The following KIF16B variants were observed in gnomAD, a reference collection of about 807,000 sequenced individuals.
KIF16B encodes kinesin family member 16B.
A neutral mutation model predicts 156.3 loss-of-function variants in KIF16B; 98 were observed. The ratio of observed to expected loss-of-function variants is 0.63; its 90% CI spans 0.53 to 0.74. The LOEUF is 0.74. Ranked by LOEUF, KIF16B falls within the 30% of genes least tolerant of loss-of-function variation. The pLI is 0.00. For synonymous variants in KIF16B, 564 were observed against 583.7 expected (o/e 0.97, Z 0.49); for missense variants, 1,421 against 1,606.5 (o/e 0.88, Z 1.97).
intron 1 of KIF16B, among the ~76,000 whole-genome samples, chr20:16,563,591 T>C (rs751072648): frequency 9.2e-5 from 14 of 152,180 alleles, no homozygotes; most frequent in Non-Finnish European, 1.8e-4. Context: ...ACCAAACTGC[T>C]ATATATCACA....
chr20:16,442,847 A>G (rs1008742018), intron 12 of KIF16B, among the ~76,000 whole-genome samples: 2 of 152,134 alleles, frequency 1.3e-5, no homozygotes, highest in African/African-American at 4.8e-5. Flanking sequence ...GTGATGAAGA[A>G]TGAGAGGGAG....
At chr20:16,496,135 G>A (rs1044060850) in intron 11 of KIF16B, among the ~76,000 whole-genome samples, 2 of 152,120 alleles carry the variant, frequency 1.3e-5, no homozygotes, top group Non-Finnish European at 2.9e-5. Context: ...CTGGCTTTTT[G>A]TTTTGAAAAA....
intron 23 of KIF16B, among the ~76,000 whole-genome samples, chr20:16,346,435 G>A (rs1237278316): frequency 6.6e-6 from 1 of 152,084 alleles, no homozygotes. Context: ...AGTACAGAAG[G>A]TGCCTCAGAG....
chr20:16,275,055 CT>C (rs4052896), intron 25 of KIF16B, among the ~76,000 whole-genome samples: 4,468 of 140,308 alleles, frequency 0.032, 67 homozygotes, highest in Middle Eastern at 0.056. Context: ...ATAAATTGTA[CT>C]TTTTTTTTTT....
At chr20:16,500,655 CT>C (rs1352021298) in intron 10 of KIF16B, among the ~76,000 whole-genome samples, 1 of 151,950 alleles carries the variant, frequency 6.6e-6, no homozygotes, top group Admixed American at 6.6e-5. Context: ...ATAAAGTGCT[CT>C]TTTTTAAAGC....
intron 17 of KIF16B, among the ~76,000 whole-genome samples, chr20:16,390,113 C>T (rs535339928): frequency 2.9e-4 from 44 of 152,234 alleles, no homozygotes; most frequent in African/African-American, 8.4e-4. Flanking sequence ...CTTAAGTAAA[C>T]GTCAGAGTTT....
intron 12 of KIF16B, among the ~76,000 whole-genome samples, chr20:16,461,571 A>C (rs1042704209): frequency 2.6e-5 from 4 of 152,210 alleles, no homozygotes; most frequent in African/African-American, 9.7e-5. Context: ...AAACACAAAC[A>C]ACTCAAGACC....
chr20:16,435,385 T>G (rs2066615764), intron 12 of KIF16B, among the ~76,000 whole-genome samples: 1 of 152,232 alleles, frequency 6.6e-6, no homozygotes. Context: ...CTAAGAAAAT[T>G]AAGCTAGTCT....
At chr20:16,473,065 C>T (rs1366741461) in intron 12 of KIF16B, among the ~76,000 whole-genome samples, 1 of 152,098 alleles carries the variant, frequency 6.6e-6, no homozygotes, top group Non-Finnish European at 1.5e-5. Flanking sequence ...CAAATGGTAA[C>T]CTACAAAGAA....
chr20:16,368,135 TAAG>T (rs1315014414), intron 22 of KIF16B: 2 of 1,169,844 alleles, frequency 1.7e-6, no homozygotes, highest in Non-Finnish European at 2.1e-6. Context: ...GTCACATGCC[TAAG>T]AAGGTCTTTT....
At chr20:16,334,967 G>A (rs1179257227) in intron 24 of KIF16B, among the ~76,000 whole-genome samples, 2 of 152,006 alleles carry the variant, frequency 1.3e-5, no homozygotes, top group Non-Finnish European at 2.9e-5. Flanking sequence ...CTATACACCA[G>A]GGAACTATTT....
At chr20:16,446,911 T>C (rs967317801) in intron 12 of KIF16B, among the ~76,000 whole-genome samples, 1 of 152,172 alleles carries the variant, frequency 6.6e-6, no homozygotes, top group Non-Finnish European at 1.5e-5. Flanking sequence ...CAATAATCTA[T>C]CCTGCACTAG....
intron 1 of KIF16B, among the ~76,000 whole-genome samples, chr20:16,538,920 G>A (rs1421412205): frequency 4.6e-5 from 7 of 151,884 alleles, no homozygotes; most frequent in South Asian, 4.2e-4. Context: ...TCCGCTCGCC[G>A]CACTCTTGCT....
chr20:16,356,554 GAA>G, intron 22 of KIF16B, 102 bp from the exon 23 acceptor site: 5 of 1,295,094 alleles, frequency 3.9e-6, no homozygotes, highest in Non-Finnish European at 4.3e-6. Flanking sequence ...TTCAAGTAGA[GAA>G]AAGAGCATCA....
rs1289094383 is a variant in KIF16B at position 16,573,159 on chromosome 20, G to T, written c.47+70C>A. ...ACTTTTAAGTCCAGGCTGGCTTTGG[G>T]GGAGCTGGAAACAGGCTTCCTCTGG... On this transcript the variant is annotated intron_variant, in intron 1 of 25. Transcript: ENST00000354981. The T allele has an allele frequency of 3.5e-6, 5 of 1,433,836 alleles. No homozygotes were observed. The African/African-American group carries it at 7.1e-5, about 20-fold the overall frequency. 88.8% of individuals were successfully genotyped at this position (1,433,836 alleles called of 1,614,324 possible).
chr20:16,284,078 G>T (rs949298665), intron 25 of KIF16B, among the ~76,000 whole-genome samples: 4 of 152,330 alleles, frequency 2.6e-5, no homozygotes, highest in South Asian at 2.1e-4. Flanking sequence ...AGCGGAGCTG[G>T]GGAAGGCCAT....
chr20:16,566,098 C>T (rs1200785243), intron 1 of KIF16B, among the ~76,000 whole-genome samples: 9 of 152,236 alleles, frequency 5.9e-5, no homozygotes, highest in African/African-American at 1.9e-4. Context: ...ATAACACATA[C>T]GTTTCATAAG....
intron 14 of KIF16B, among the ~76,000 whole-genome samples, chr20:16,427,556 T>C (rs1037437428): frequency 1.3e-5 from 2 of 152,130 alleles, no homozygotes; most frequent in Non-Finnish European, 2.9e-5. Context: ...TTTAACTGAA[T>C]ACCATGGAGT....
chr20:16,525,195 G>C (rs2069495315), intron 3 of KIF16B, among the ~76,000 whole-genome samples: 1 of 152,004 alleles, frequency 6.6e-6, no homozygotes, highest in South Asian at 2.1e-4. Context: ...AAGAAAGAAA[G>C]AAACAAGCAC....
Sources: gnomAD v4.1 joint callset for allele counts (sites outside exome capture counted in the v4.1 genomes callset) on GRCh38, gnomAD v4.1.1 for gene constraint, MANE v1.5 for transcripts, NCBI Gene and HGNC (gene_info 2026-07-23, HGNC 2026-07-21) for gene names.